The following ZMYND8 variants were observed in gnomAD, a reference collection of about 807,000 sequenced individuals.
ZMYND8 encodes the protein zinc finger MYND-type containing 8, also known as MYND-type zinc finger-containing chromatin reader ZMYND8.
A neutral mutation model predicts 140.8 loss-of-function variants in ZMYND8; 37 were observed. The ratio of observed to expected loss-of-function variants is 0.26; its 90% CI spans 0.20 to 0.35. The LOEUF (loss-of-function observed/expected upper bound fraction) is 0.35, where lower values mean the gene tolerates loss of function less well. ZMYND8 is among the 10% of genes least tolerant of loss of function. ZMYND8 has a pLI of 1.00. For missense variants in ZMYND8, 1,068 were observed against 1,570.0 expected (o/e 0.68, Z 5.40); for synonymous variants, 592 against 597.1 (o/e 0.99, Z 0.12).
intron 11 of ZMYND8, among the ~76,000 whole-genome samples, chr20:47,268,325 G>C (rs1335920258): frequency 7.7e-6 from 1 of 129,336 alleles, no homozygotes; most frequent in South Asian, 2.6e-4. Context: ...AGGGAGTCTC[G>C]CTCTGTCACC....
chr20:47,313,297 T>C (rs1432158273), intron 2 of ZMYND8, among the ~76,000 whole-genome samples: 1 of 151,378 alleles, frequency 6.6e-6, no homozygotes, highest in Non-Finnish European at 1.5e-5. Flanking sequence ...CTGGGCAACA[T>C]GGTGAAACCC....
chr20:47,298,341 G>A lies in ZMYND8; in HGVS notation c.453+388C>T, dbSNP rs2077779675. On this transcript the variant is annotated intron_variant, in intron 4 of 22. Coordinates refer to ENST00000471951, the MANE Select transcript of ZMYND8 (RefSeq NM_001281775.3). This position sits in a 1 kb window ranked among gnomAD's most constrained non-coding sequence, Gnocchi z 5.0. ...TCTTCTCAGCTTGGCTACTGCTGAT[G>A]ATTCAATGATGCGGCAGGCAACAAC... 1 of 985,308 alleles carries A rather than the reference G, an allele frequency of 1.0e-6. No individual in the cohort carries two copies. The highest frequency in any genetic ancestry group is 1.7e-5 in the African/African-American group (1 of 57,234). 61.0% of individuals were successfully genotyped at this position (985,308 alleles called of 1,614,324 possible). A position where few individuals can be genotyped will look rare whatever the true frequency, so the allele number is the denominator to read the frequency against.
At chr20:47,275,900 C>T (rs537985475) in intron 11 of ZMYND8, among the ~76,000 whole-genome samples, 9 of 152,252 alleles carry the variant, frequency 5.9e-5, no homozygotes, top group African/African-American at 1.9e-4. Context: ...TGAGCCACGG[C>T]GCCTGGTCAA....
At position 47,283,597 on chromosome 20, in the gene ZMYND8, G is replaced by A. The variant is rs1478846759; in HGVS notation, c.856C>T (p.Arg286Ter). Residue 286 changes from arginine (R) to a stop codon, truncating the protein, a stop_gained, in exon 9 of 23, where the codon CGA (arginine) becomes TGA (stop). Coordinates refer to ENST00000471951, the MANE Select transcript of ZMYND8 (RefSeq NM_001281775.3). LOFTEE classifies it high-confidence loss of function. Reference protein sequence around the residue: ...PECYLAACQKRDNWFCEPCSN... With the variant: ...PECYLAACQK ...CAAGGCTCACAAAACCAGTTATCTC[G>A]TTTTTGGCAAGCAGCTAGATAACAT... The A allele has an allele frequency of 3.1e-6, 5 of 1,613,944 alleles. No homozygotes were observed. The highest frequency in any genetic ancestry group is 4.2e-6 in the Non-Finnish European group (5 of 1,179,992).
chr20:47,240,042 G>A (rs1487327695), intron 14 of ZMYND8, among the ~76,000 whole-genome samples: 1 of 152,110 alleles, frequency 6.6e-6, no homozygotes, highest in East Asian at 1.9e-4. Flanking sequence ...TTTGAGACCA[G>A]CCTGACCAAC....
At chr20:47,307,089 G>A (rs1420445467) in intron 3 of ZMYND8, among the ~76,000 whole-genome samples, 1 of 152,134 alleles carries the variant, frequency 6.6e-6, no homozygotes, top group Non-Finnish European at 1.5e-5. Flanking sequence ...CATTAGAGAA[G>A]TGGGGCCCTG....
At chr20:47,316,147 A>G (rs2079378426) in intron 2 of ZMYND8, among the ~76,000 whole-genome samples, 1 of 152,038 alleles carries the variant, frequency 6.6e-6, no homozygotes, top group South Asian at 2.1e-4. Flanking sequence ...CCTGACCAAC[A>G]TGGTGAAACC....
chr20:47,336,418 T>C (rs990120416), intron 2 of ZMYND8, among the ~76,000 whole-genome samples: 2 of 152,332 alleles, frequency 1.3e-5, no homozygotes, highest in East Asian at 1.9e-4. Flanking sequence ...TTTTTAAAAA[T>C]GGTTTCAGCT....
chr20:47,222,631 T>C lies in ZMYND8; in HGVS notation c.3257-1157A>G, dbSNP rs549293235. 3.9e-5 allele frequency among the ~76,000 whole-genome samples: 6 copies of C among 152,312 alleles called. No homozygotes were observed. The South Asian group carries it at 1.2e-3, about 32-fold the overall frequency. On this transcript the variant is annotated intron_variant, in intron 19 of 22. Transcript: ENST00000471951. ...AAAAAAAGGAAAGCCGAAGGACATT[T>C]TGGCCATCTTGGCAAAACAGCAAAA...
chr20:47,234,949 G>A (rs1331970868), intron 16 of ZMYND8, among the ~76,000 whole-genome samples: 1 of 152,032 alleles, frequency 6.6e-6, no homozygotes, highest in Non-Finnish European at 1.5e-5. Context: ...AGACCAGCCT[G>A]GGCAACAAAA....
rs150888885 is a variant in ZMYND8 at position 47,276,370 on chromosome 20, G to A, written c.1424C>T (p.Thr475Met). 23 of 1,603,326 alleles carry A rather than the reference G, an allele frequency of 1.4e-5. No homozygotes were observed. The highest frequency in any genetic ancestry group is 1.1e-4 in the East Asian group (5 of 44,588). Residue 475 changes from threonine (T) to methionine (M), a missense_variant, in exon 11 of 23, where the codon ACG becomes ATG. By Grantham distance (81) the Thr-to-Met change is moderately conservative. Around this residue, in one of 10 missense-constraint regions of ZMYND8, gnomAD observed 173 missense variants for 223.3 expected, o/e 0.77. Coordinates refer to ENST00000471951, the MANE Select transcript of ZMYND8 (RefSeq NM_001281775.3). The stretch of plus-strand genomic sequence containing the variant: ...CTCGCTCGCACTGAAGTGGCTCGAC[G>A]TGGCCTTCTTCTCAGCATCCTGCTC... ...DVEQDAEKKA[T>M]SSHFSASEES...
At chr20:47,321,326 C>G (rs546409584) in intron 2 of ZMYND8, among the ~76,000 whole-genome samples, 2 of 152,162 alleles carry the variant, frequency 1.3e-5, no homozygotes, top group African/African-American at 4.8e-5. Context: ...TATCAGCACA[C>G]CCAGGGGACA....
intron 10 of ZMYND8, among the ~76,000 whole-genome samples, 177 bp from the exon 11 acceptor site, chr20:47,276,972 T>C (rs2147802180): frequency 6.6e-6 from 1 of 150,444 alleles, no homozygotes; most frequent in East Asian, 2.0e-4. Context: ...AACAAGCATG[T>C]TCTACCATAA....
At position 47,274,007 on chromosome 20, in the gene ZMYND8, A is replaced by T. The variant is rs137913178; in HGVS notation, c.1480+2307T>A. Among the ~76,000 whole-genome samples, 11 of 152,324 alleles carry T rather than the reference A, an allele frequency of 7.2e-5. No homozygotes were observed. The East Asian group carries it at 2.1e-3, about 29-fold the overall frequency. ...AAGGAGATTATATTTTAGGAAAGGG[A>T]CTTTAAAGTCTACTCAAATGGGGGA... On this transcript the variant is annotated intron_variant, in intron 11 of 22. Transcript: ENST00000471951.
intron 2 of ZMYND8, among the ~76,000 whole-genome samples, chr20:47,338,091 T>G (rs564097305): frequency 6.6e-6 from 1 of 152,110 alleles, no homozygotes; most frequent in Non-Finnish European, 1.5e-5. Flanking sequence ...GCCAGGTTCA[T>G]AAGATGGTAG....
chr20:47,356,679 C>G lies in ZMYND8; in HGVS notation c.-9G>C, dbSNP rs1347911006. 1 of 1,614,188 alleles carries G rather than the reference C, an allele frequency of 6.2e-7. No homozygotes were observed. The highest frequency in any genetic ancestry group is 1.7e-5 in the Admixed American group (1 of 60,020). ...TACCTCTGTGGATGCATTGTTAACA[C>G]TGTGTAATGTCAATACTTATAAAAC... On this transcript the variant is annotated 5_prime_UTR_variant, in exon 1 of 23. Coordinates refer to ENST00000471951, the MANE Select transcript of ZMYND8 (RefSeq NM_001281775.3).
intron 2 of ZMYND8, 77 bp downstream of exon 2, chr20:47,347,779 C>T: frequency 6.9e-7 from 1 of 1,450,034 alleles, no homozygotes; most frequent in Middle Eastern, 2.1e-4. Flanking sequence ...CCACACACTT[C>T]ACTGCACTAC....
chr20:47,266,134 C>A (rs1210692459), intron 11 of ZMYND8, among the ~76,000 whole-genome samples: 1 of 152,192 alleles, frequency 6.6e-6, no homozygotes, highest in Non-Finnish European at 1.5e-5. Flanking sequence ...TCTCCTATGT[C>A]CACCTCCTAG....
intron 2 of ZMYND8, among the ~76,000 whole-genome samples, chr20:47,313,732 G>A (rs1051867056): frequency 6.6e-6 from 1 of 151,912 alleles, no homozygotes; most frequent in Admixed American, 6.6e-5. Flanking sequence ...AGGAGTTCGA[G>A]ACCAGACTGG....
Sources: gnomAD v4.1 joint callset for allele counts (sites outside exome capture counted in the v4.1 genomes callset) on GRCh38, gnomAD v4.1.1 for gene constraint, gnomAD v4.1.1 regional missense constraint, Gnocchi (gnomAD v3.1) non-coding constraint, MANE v1.5 for transcripts, NCBI Gene and HGNC (gene_info 2026-07-23, HGNC 2026-07-21) for gene names.